The following PTPRD variants were observed in gnomAD, a reference collection of about 807,000 sequenced individuals.
PTPRD encodes the protein protein tyrosine phosphatase receptor type D.
PTPRD carries 34 observed loss-of-function variants against 214.5 expected under a neutral mutation model. The observed-to-expected ratio is 0.16, with a 90% CI of 0.12 to 0.21. The LOEUF is 0.21. PTPRD is among the 10% of genes least tolerant of loss of function. PTPRD has a pLI of 1.00. For missense variants in PTPRD, 2,545 were observed against 2,398.7 expected, an observed-to-expected ratio of 1.06 and a Z score of -1.27; for synonymous variants, 1,128 against 845.7, an observed-to-expected ratio of 1.33 and a Z score of -5.79.
At chr9:10,489,685 G>C (rs1054740985) in intron 2 of PTPRD, among the ~76,000 whole-genome samples, 3 of 152,148 alleles carry the variant, frequency 2.0e-5, no homozygotes, top group Admixed American at 6.5e-5. Context: ...GGACCACTGG[G>C]ATCAGCAATT....
intron 11 of PTPRD, among the ~76,000 whole-genome samples, chr9:8,839,154 A>G (rs1260873730): frequency 1.3e-5 from 2 of 152,192 alleles, no homozygotes; most frequent in South Asian, 2.1e-4. Context: ...TAATTCATAT[A>G]ACAGAAATAA....
At chr9:9,647,885 T>C (rs368598800) in intron 7 of PTPRD, among the ~76,000 whole-genome samples, 67 of 152,346 alleles carry the variant, frequency 4.4e-4, no homozygotes, top group African/African-American at 1.6e-3. Flanking sequence ...ATCAAAATGT[T>C]GCTCTGAGAA....
At chr9:9,900,108 G>C (rs1043602740) in intron 5 of PTPRD, among the ~76,000 whole-genome samples, 4 of 152,152 alleles carry the variant, frequency 2.6e-5, no homozygotes, top group African/African-American at 9.7e-5. Context: ...TCTAGCAAGT[G>C]GTTGTTCCAC....
chr9:8,853,169 C>A (rs1157994414), intron 11 of PTPRD, among the ~76,000 whole-genome samples: 1 of 152,136 alleles, frequency 6.6e-6, no homozygotes, highest in Non-Finnish European at 1.5e-5. Context: ...AATTCTAATT[C>A]ATTAATTCTC....
At chr9:9,742,396 G>C (rs765580876) in intron 6 of PTPRD, among the ~76,000 whole-genome samples, 4 of 152,102 alleles carry the variant, frequency 2.6e-5, no homozygotes, top group African/African-American at 4.8e-5. Flanking sequence ...AGAAATGTAT[G>C]CAGAATACTC....
At chr9:9,646,117 A>G (rs1008417324) in intron 7 of PTPRD, among the ~76,000 whole-genome samples, 1 of 152,184 alleles carries the variant, frequency 6.6e-6, no homozygotes, top group African/African-American at 2.4e-5. Context: ...CATCTAAGAC[A>G]GTCCATTTGT....
chr9:10,095,969 G>C (rs1290881658), intron 3 of PTPRD, among the ~76,000 whole-genome samples: 1 of 151,504 alleles, frequency 6.6e-6, no homozygotes, highest in Non-Finnish European at 1.5e-5. Context: ...TTGCTGGGGT[G>C]AACTCATCTG....
intron 7 of PTPRD, among the ~76,000 whole-genome samples, chr9:9,710,879 G>A (rs945711868): frequency 2.0e-5 from 3 of 152,114 alleles, no homozygotes; most frequent in Non-Finnish European, 4.4e-5. Flanking sequence ...ATGATTTCCA[G>A]CCAGGGCCGT....
At chr9:10,408,464 A>G (rs1422137470) in intron 2 of PTPRD, among the ~76,000 whole-genome samples, 1 of 151,700 alleles carries the variant, frequency 6.6e-6, no homozygotes. Context: ...AATCTCAGTA[A>G]CTTTCAATGA....
intron 7 of PTPRD, among the ~76,000 whole-genome samples, chr9:9,581,257 G>C (rs1334556755): frequency 6.6e-6 from 1 of 152,016 alleles, no homozygotes; most frequent in Non-Finnish European, 1.5e-5. Context: ...TTATTTATCA[G>C]ACATGTCAAA....
chr9:10,288,026 A>G (rs1406048595), intron 3 of PTPRD, among the ~76,000 whole-genome samples: 1 of 152,030 alleles, frequency 6.6e-6, no homozygotes, highest in Non-Finnish European at 1.5e-5. Context: ...GAGCAATCCT[A>G]GTCTTAAGAT....
chr9:9,994,536 T>C (rs931570340), intron 4 of PTPRD, among the ~76,000 whole-genome samples: 11 of 152,018 alleles, frequency 7.2e-5, no homozygotes, highest in African/African-American at 2.4e-4. Flanking sequence ...ACTCAGCTGT[T>C]ATAACACAAT....
At chr9:10,298,688 T>G (rs2095764803) in intron 3 of PTPRD, among the ~76,000 whole-genome samples, 1 of 151,928 alleles carries the variant, frequency 6.6e-6, no homozygotes, top group African/African-American at 2.4e-5. Context: ...CATATATACA[T>G]ATATAATATA....
chr9:10,502,052 A>AT (rs200549445), intron 2 of PTPRD, among the ~76,000 whole-genome samples: 12 of 151,688 alleles, frequency 7.9e-5, no homozygotes, highest in African/African-American at 1.5e-4. Context: ...ATCGAGCTTA[A>AT]TTTTTTTTAA....
chr9:10,041,522 T>A (rs1007474005), intron 3 of PTPRD, among the ~76,000 whole-genome samples: 22 of 151,724 alleles, frequency 1.5e-4, no homozygotes, highest in African/African-American at 3.6e-4. Flanking sequence ...ATTTTTTTTT[T>A]ATTTTCTACT....
intron 9 of PTPRD, among the ~76,000 whole-genome samples, chr9:9,224,295 G>A (rs2099958040): frequency 6.6e-6 from 1 of 151,932 alleles, no homozygotes; most frequent in African/African-American, 2.4e-5. Context: ...TGTGTTTGCT[G>A]GATATTATGT....
intron 8 of PTPRD, among the ~76,000 whole-genome samples, chr9:9,573,347 C>A (rs2087162619): frequency 1.3e-5 from 2 of 150,870 alleles, no homozygotes; most frequent in African/African-American, 4.9e-5. Flanking sequence ...GAAGATATTG[C>A]TTATGCTCTA....
At position 9,647,100 on chromosome 9, in the gene PTPRD, G is replaced by C. The variant is rs115433709; in HGVS notation, c.-286-72319C>G. On this transcript the variant is annotated intron_variant, in intron 7 of 45. Transcript: ENST00000381196. ...TCTTCAGGTCTGAATAAATTTTTCG[G>C]GTCTGTTGTTGATGTCTAGGCTAAT... Among the ~76,000 whole-genome samples the C allele has an allele frequency of 6.4e-3, 971 of 152,028 alleles. 8 individuals carry two copies. The highest frequency in any genetic ancestry group is 0.023 in the African/African-American group (938 of 41,466).
intron 10 of PTPRD, among the ~76,000 whole-genome samples, chr9:9,031,391 C>G (rs1013094265): frequency 1.3e-5 from 2 of 151,832 alleles, no homozygotes; most frequent in African/African-American, 4.8e-5. Flanking sequence ...GATAGCATAG[C>G]CCACTACACA....
Sources: allele counts gnomAD v4.1 joint callset (sites outside exome capture counted in the v4.1 genomes callset), GRCh38; gene constraint gnomAD v4.1.1; transcripts MANE v1.5; gene names NCBI Gene and HGNC (gene_info 2026-07-23, HGNC 2026-07-21).